MYT1L: variants seen among roughly 807,000 people sequenced by gnomAD.
MYT1L encodes the protein myelin transcription factor 1-like protein.
MYT1L carries 12 observed loss-of-function variants against 126.7 expected under a neutral mutation model. The observed-to-expected ratio is 0.09, with a 90% CI of 0.06 to 0.15. The LOEUF (loss-of-function observed/expected upper bound fraction) is 0.15, where lower values mean the gene tolerates loss of function less well. Among genes scored for constraint, MYT1L ranks in the 10% least tolerant of loss-of-function variants. The pLI is 1.00. For synonymous variants in MYT1L, 541 were observed against 604.2 expected, an observed-to-expected ratio of 0.90 and a Z score of 1.53; for missense variants, 979 against 1,585.2, an observed-to-expected ratio of 0.62 and a Z score of 6.49.
At chr2:2,109,824 C>G (rs1376737968) in intron 3 of MYT1L, among the ~76,000 whole-genome samples, 2 of 131,206 alleles carry the variant, frequency 1.5e-5, no homozygotes, top group Admixed American at 8.1e-5. Context: ...AAAAAACTAG[C>G]CATGTGTGGA....
intron 22 of MYT1L, among the ~76,000 whole-genome samples, chr2:1,807,389 G>A (rs1381700760): frequency 6.6e-6 from 1 of 152,178 alleles, no homozygotes; most frequent in African/African-American, 2.4e-5. Flanking sequence ...ATGCTTGGGA[G>A]CTGCTCAGGT....
chr2:2,230,608 C>T (rs567742409), intron 2 of MYT1L, among the ~76,000 whole-genome samples: 34 of 152,262 alleles, frequency 2.2e-4, no homozygotes, highest in African/African-American at 7.5e-4. Context: ...AGTGTCAGCC[C>T]GCTCCCTACC....
In MYT1L at chr2:2,276,902, G is replaced by T. The variant is rs73914909; in HGVS notation, c.-421+7502C>A. On this transcript the variant is annotated intron_variant, in intron 2 of 24. Transcript: ENST00000647738. Reference sequence around the variant, plus strand: ...AACACTCCTGTCCCCAGAGCCCATGGTGCTTGACCACGGCACCACACATGT... The same window carrying T: ...AACACTCCTGTCCCCAGAGCCCATGTTGCTTGACCACGGCACCACACATGT... 4.4e-3 allele frequency among the ~76,000 whole-genome samples: 674 copies of T among 152,278 alleles called. 2 individuals carry two copies. Among genetic ancestry groups the T allele is most frequent in the African/African-American group, 0.015 (641 of 41,550 alleles).
intron 18 of MYT1L, among the ~76,000 whole-genome samples, chr2:1,861,350 G>A (rs2044566484): frequency 6.6e-6 from 1 of 152,162 alleles, no homozygotes; most frequent in Non-Finnish European, 1.5e-5. Flanking sequence ...AGGAAAGGCA[G>A]GTCTTCCAGG....
At chr2:2,073,355 C>T (rs1230435608) in intron 3 of MYT1L, among the ~76,000 whole-genome samples, 1 of 151,988 alleles carries the variant, frequency 6.6e-6, no homozygotes, top group African/African-American at 2.4e-5. Flanking sequence ...TGCTCCCCAG[C>T]CTGCTGTATC....
chr2:2,321,514 G>T (rs775049291), intron 1 of MYT1L, among the ~76,000 whole-genome samples: 37 of 152,140 alleles, frequency 2.4e-4, no homozygotes, highest in Admixed American at 1.3e-4. Context: ...CCTTAAGAAT[G>T]GTTTATTGCT....
intron 3 of MYT1L, among the ~76,000 whole-genome samples, chr2:2,140,334 T>C (rs2083759794): frequency 6.6e-6 from 1 of 152,106 alleles, no homozygotes; most frequent in Non-Finnish European, 1.5e-5. Flanking sequence ...TTGTTTTTGT[T>C]AAAAAAGCTG....
intron 4 of MYT1L, among the ~76,000 whole-genome samples, chr2:2,051,429 G>A (rs1574839786): frequency 6.6e-6 from 1 of 152,170 alleles, no homozygotes; most frequent in East Asian, 1.9e-4. Context: ...ACAGACCTCT[G>A]TGGATTCATT....
chr2:1,944,671 T>C (rs2057028669), intron 8 of MYT1L, among the ~76,000 whole-genome samples: 1 of 152,176 alleles, frequency 6.6e-6, no homozygotes, highest in East Asian at 1.9e-4. Context: ...TTTTGGGTCA[T>C]GGGCTATGCT....
intron 21 of MYT1L, among the ~76,000 whole-genome samples, chr2:1,834,576 C>A (rs922517668): frequency 6.6e-6 from 1 of 152,136 alleles, no homozygotes; most frequent in Non-Finnish European, 1.5e-5. Context: ...AGGACGGTCA[C>A]AAAAAAGCAA....
chr2:1,851,971 T>C (rs1457706635), intron 18 of MYT1L, among the ~76,000 whole-genome samples: 1 of 152,180 alleles, frequency 6.6e-6, no homozygotes, highest in East Asian at 1.9e-4. Context: ...CTGCTCATTC[T>C]AGAACCTGTA....
chr2:2,213,701 A>T (rs1465526677), intron 2 of MYT1L, among the ~76,000 whole-genome samples: 1 of 152,236 alleles, frequency 6.6e-6, no homozygotes, highest in African/African-American at 2.4e-5. Flanking sequence ...AAGCTAGACC[A>T]TATCATACTA....
chr2:2,098,826 C>T (rs1227746610), intron 3 of MYT1L, among the ~76,000 whole-genome samples: 1 of 152,212 alleles, frequency 6.6e-6, no homozygotes, highest in Non-Finnish European at 1.5e-5. Context: ...GTGTTTGTGC[C>T]ACACCCTACG....
At chr2:2,020,048 T>C (rs577186529) in intron 4 of MYT1L, among the ~76,000 whole-genome samples, 1 of 152,232 alleles carries the variant, frequency 6.6e-6, no homozygotes, top group Non-Finnish European at 1.5e-5. Flanking sequence ...TTTCACCATG[T>C]TGTCTAGGCT....
At chr2:2,074,217 T>C (rs1158667973) in intron 3 of MYT1L, among the ~76,000 whole-genome samples, 1 of 152,250 alleles carries the variant, frequency 6.6e-6, no homozygotes, top group African/African-American at 2.4e-5. Context: ...TTAAAGATCC[T>C]TTTTCTAACT....
chr2:2,059,887 G>A lies in MYT1L; in HGVS notation c.-303-5764C>T, dbSNP rs1234139535. Among the ~76,000 whole-genome samples the A allele has an allele frequency of 6.6e-6, 1 of 152,138 alleles. No individual in the cohort carries two copies. Among genetic ancestry groups the A allele is most frequent in the Non-Finnish European group, 1.5e-5 (1 of 68,036 alleles). On this transcript the variant is annotated intron_variant, in intron 3 of 24. Transcript: ENST00000647738. This position sits in a 1 kb window ranked among gnomAD's most constrained non-coding sequence, Gnocchi z 4.7. ...TGTGTTATGGTTTTCTCTTGACTCT[G>A]TCAGAGAATTTAGCATACCATGCTG...
At position 2,004,928 on chromosome 2, in the gene MYT1L, A is replaced by ATTCTTTCCTGCATGCG. The variant is rs1216150794; in HGVS notation, c.-157-7597_-157-7582dup. ...CCTGCATGCGTTCTTTCCTGCAGGC[A>ATTCTTTCCTGCATGCG]TTCTTTCCTGCATGCGTTCTTTCCT... is the stretch of plus-strand genomic sequence containing the variant. On this transcript the variant is annotated intron_variant, in intron 4 of 24. Transcript: ENST00000647738. Among the ~76,000 whole-genome samples the ATTCTTTCCTGCATGCG allele has an allele frequency of 1.4e-4, 13 of 89,912 alleles. No homozygotes were observed. In the South Asian group the frequency reaches 1.6e-3, roughly 11 times the overall value. 59.0% of individuals were successfully genotyped at this position (89,912 alleles called of 152,430 possible). A position where few individuals can be genotyped will look rare whatever the true frequency, so the allele number is the denominator to read the frequency against.
At chr2:2,152,936 C>G (rs575953310) in intron 3 of MYT1L, among the ~76,000 whole-genome samples, 12 of 152,184 alleles carry the variant, frequency 7.9e-5, no homozygotes, top group African/African-American at 2.6e-4. Context: ...ATCTACTGAA[C>G]AAGGGGAATA....
intron 2 of MYT1L, among the ~76,000 whole-genome samples, chr2:2,272,935 C>T (rs548418239): frequency 6.6e-6 from 1 of 152,280 alleles, no homozygotes; most frequent in East Asian, 1.9e-4. Context: ...CAGCTTCTTG[C>T]CTGTGCCCCT....
Sources: gnomAD v4.1 joint callset for allele counts (sites outside exome capture counted in the v4.1 genomes callset) on GRCh38, gnomAD v4.1.1 for gene constraint, Gnocchi (gnomAD v3.1) non-coding constraint, MANE v1.5 for transcripts, NCBI Gene and HGNC (gene_info 2026-07-23, HGNC 2026-07-21) for gene names.